The following PLXNA2 variants were observed in gnomAD, a reference collection of about 807,000 sequenced individuals.
PLXNA2 encodes plexin A2, also known as plexin-A2.
Under a neutral mutation model 193.5 loss-of-function variants are expected in PLXNA2, and 91 were observed. The observed-to-expected ratio is 0.47, with a 90% CI of 0.40 to 0.56. The LOEUF is 0.56. PLXNA2 is among the 20% of genes least tolerant of loss of function. The probability of loss-of-function intolerance (pLI) is 0.00; values close to 1 mark genes in which losing one functional copy is unlikely to be tolerated. For synonymous variants in PLXNA2, 997 were observed against 1,027.3 expected (o/e 0.97, Z 0.56); for missense variants, 1,995 against 2,503.2 (o/e 0.80, Z 4.33).
intron 3 of PLXNA2, among the ~76,000 whole-genome samples, chr1:208,172,796 C>A (rs1324914413): frequency 6.6e-6 from 1 of 152,122 alleles, no homozygotes. Context: ...TCAGGGGACA[C>A]TTTTGGGCAG....
intron 9 of PLXNA2, among the ~76,000 whole-genome samples, chr1:208,086,209 CA>C (rs1666514630): frequency 6.6e-6 from 1 of 152,188 alleles, no homozygotes; most frequent in South Asian, 2.1e-4. Context: ...TCCATCTCCC[CA>C]GTCTTTCTGC....
intron 3 of PLXNA2, among the ~76,000 whole-genome samples, chr1:208,198,328 G>A (rs1003106790): frequency 2.0e-5 from 3 of 152,210 alleles, no homozygotes; most frequent in South Asian, 2.1e-4. Context: ...GGTATGACTG[G>A]CACACAAAAG....
At chr1:208,148,197 T>C (rs1027560417) in intron 3 of PLXNA2, among the ~76,000 whole-genome samples, 4 of 152,196 alleles carry the variant, frequency 2.6e-5, no homozygotes, top group Admixed American at 2.0e-4. Flanking sequence ...ATTTCTTCTC[T>C]AGTTAGCCCT....
At chr1:208,075,540 A>T (rs1231056675) in intron 12 of PLXNA2, among the ~76,000 whole-genome samples, 1 of 152,190 alleles carries the variant, frequency 6.6e-6, no homozygotes, top group Non-Finnish European at 1.5e-5. Flanking sequence ...TTCTTGTCAT[A>T]ATTAACAAGT....
chr1:208,172,278 C>T (rs1669520571), intron 3 of PLXNA2, among the ~76,000 whole-genome samples: 1 of 151,946 alleles, frequency 6.6e-6, no homozygotes, highest in African/African-American at 2.4e-5. Context: ...GGAGGAAGTA[C>T]TGTGGAATTG....
intron 4 of PLXNA2, among the ~76,000 whole-genome samples, chr1:208,108,419 G>C (rs1041456377): frequency 6.6e-6 from 1 of 152,172 alleles, no homozygotes; most frequent in Non-Finnish European, 1.5e-5. Context: ...ATCAGGAGCA[G>C]ACACATCACC....
At position 208,039,757 on chromosome 1, in the gene PLXNA2, C is replaced by G; in HGVS notation, c.4364G>C (p.Gly1455Ala). The G allele has an allele frequency of 1.2e-6, 2 of 1,614,094 alleles. No homozygotes were observed. The highest frequency in any genetic ancestry group is 1.7e-6 in the Non-Finnish European group (2 of 1,180,028). The change falls in exon 24 of 32, where the codon GGG (glycine) becomes GCG (alanine). Residue 1455 changes from glycine to alanine, a missense_variant. By Grantham distance (60) the Gly-to-Ala change is moderately conservative (BLOSUM62 0). Transcript: ENST00000367033. ...ACAGTATAGCATGAAGAGTGGCTCCCCTGCGCACTCCTGTGGGCACAGACA... is the reference window on the plus strand; with the variant it reads ...ACAGTATAGCATGAAGAGTGGCTCCGCTGCGCACTCCTGTGGGCACAGACA... ...LLHKFLKECA[G>A]EPLFMLYCAI...
At chr1:208,226,657 G>T (rs937316614) in intron 1 of PLXNA2, among the ~76,000 whole-genome samples, 1 of 152,196 alleles carries the variant, frequency 6.6e-6, no homozygotes, top group Admixed American at 6.5e-5. Flanking sequence ...TATGTCATGG[G>T]CCTGTCAGAA....
Position 208,042,279 on chromosome 1 carries a change from T to C in PLXNA2, c.4105A>G (p.Ile1369Val). The C allele has an allele frequency of 6.2e-7, 1 of 1,614,196 alleles. No homozygotes were observed. The highest frequency in any genetic ancestry group is 8.5e-7 in the Non-Finnish European group (1 of 1,180,032). Residue 1369 changes from isoleucine to valine, a missense_variant, in exon 22 of 32, where the codon ATC becomes GTC. Ile to Val is a conservative substitution (Grantham distance 29). This residue lies in a region of PLXNA2 where 1,291 missense variants were observed against 1,673.6 expected (regional missense o/e 0.77). Transcript: ENST00000367033. ...INNKVFLLTFIRTLELQRSFS... is the reference protein window; with the variant it reads ...INNKVFLLTFVRTLELQRSFS... ...CTGCGCTGCAGCTCCAGGGTGCGGA[T>C]GAAGGTCAGCAGGAACACCTTGTTG...
chr1:208,141,437 T>A (rs182498835), intron 4 of PLXNA2, among the ~76,000 whole-genome samples: 42 of 152,340 alleles, frequency 2.8e-4, no homozygotes, highest in African/African-American at 8.7e-4. Flanking sequence ...TCTACCAGCA[T>A]CCTTCTCTAG....
intron 12 of PLXNA2, 119 bp from the exon 13 acceptor site, chr1:208,060,956 A>G: frequency 1.2e-6 from 1 of 818,208 alleles, no homozygotes; most frequent in Non-Finnish European, 1.9e-6. Flanking sequence ...TTCCTCCACC[A>G]GGAATTCTGG....
intron 3 of PLXNA2, among the ~76,000 whole-genome samples, chr1:208,184,232 C>G (rs531922501): frequency 6.6e-6 from 1 of 152,036 alleles, no homozygotes; most frequent in Non-Finnish European, 1.5e-5. Flanking sequence ...AGGGAAGGGA[C>G]GGGTAAGAAT....
At chr1:208,168,152 C>T (rs1669367970) in intron 3 of PLXNA2, among the ~76,000 whole-genome samples, 2 of 152,212 alleles carry the variant, frequency 1.3e-5, no homozygotes, top group South Asian at 4.1e-4. Context: ...GCGATACCTA[C>T]ACCATTGGTG....
In PLXNA2 at chr1:208,218,416, G is replaced by A. The variant is rs139445729; in HGVS notation, c.-80-414C>T. On this transcript the variant is annotated intron_variant, in intron 1 of 31. Transcript: ENST00000367033. ...TGGAAGTCGCTCCTGTTTTTTGAAA[G>A]CTTGTTAGGCAGGCCCTCCCCCAGG... is the stretch of plus-strand genomic sequence containing the variant. Among the ~76,000 whole-genome samples, 710 of 152,208 alleles carry A rather than the reference G, an allele frequency of 4.7e-3. 5 individuals are homozygous for A. The highest frequency in any genetic ancestry group is 0.034 in the Middle Eastern group (10 of 294).
At chr1:208,204,475 C>G (rs938841557) in intron 3 of PLXNA2, among the ~76,000 whole-genome samples, 1 of 152,192 alleles carries the variant, frequency 6.6e-6, no homozygotes, top group Middle Eastern at 3.2e-3. Flanking sequence ...TGTTACCCAC[C>G]AGAAGTTGTC....
At chr1:208,105,323 T>G (rs929865108) in intron 4 of PLXNA2, among the ~76,000 whole-genome samples, 1 of 152,240 alleles carries the variant, frequency 6.6e-6, no homozygotes, top group South Asian at 2.1e-4. Context: ...CTCAACATCA[T>G]GCAACCGCCT....
intron 3 of PLXNA2, among the ~76,000 whole-genome samples, chr1:208,151,868 A>T (rs1314203890): frequency 6.6e-6 from 1 of 152,188 alleles, no homozygotes; most frequent in Non-Finnish European, 1.5e-5. Flanking sequence ...GCTTTCTCTA[A>T]GTTAAACAGG....
At chr1:208,051,526 G>A (rs953789179) in intron 15 of PLXNA2, 103 bp from the exon 16 acceptor site, 1 of 835,728 alleles carries the variant, frequency 1.2e-6, no homozygotes, top group East Asian at 2.7e-5. Flanking sequence ...TAAGGCCACA[G>A]AAGTGTTCTC....
intron 1 of PLXNA2, among the ~76,000 whole-genome samples, chr1:208,220,422 T>C (rs1166045471): frequency 3.3e-5 from 5 of 152,126 alleles, no homozygotes; most frequent in South Asian, 2.1e-4. Flanking sequence ...ACTTAACTTA[T>C]GTTAGTTTTT....
Sources: gnomAD v4.1 joint callset for allele counts (sites outside exome capture counted in the v4.1 genomes callset) on GRCh38, gnomAD v4.1.1 for gene constraint, gnomAD v4.1.1 regional missense constraint, MANE v1.5 for transcripts, NCBI Gene and HGNC (gene_info 2026-07-23, HGNC 2026-07-21) for gene names.